Variants in COX7A2L observed in about 807,000 individuals in gnomAD.
COX7A2L encodes the protein cytochrome c oxidase subunit 7A2-like, mitochondrial.
In COX7A2L, 18 loss-of-function variants were observed where a neutral mutation model predicts 14.2. The ratio of observed to expected loss-of-function variants is 1.27; its 90% CI spans 0.88 to 1.88. The LOEUF is 1.88. COX7A2L is among the 40% of genes most tolerant of loss of function. COX7A2L has a pLI of 0.00. For missense variants in COX7A2L, 179 were observed against 138.8 expected (o/e 1.29, Z -1.46); for synonymous variants, 65 against 57.4 (o/e 1.13, Z -0.60).
chr2:42,346,898 T>G (rs1481676725), downstream of COX7A2L, among the ~76,000 whole-genome samples: 1 of 152,246 alleles, frequency 6.6e-6, no homozygotes, highest in Non-Finnish European at 1.5e-5. Context: ...TGCCCATTTA[T>G]CTCCAGAGTA....
intron 2 of COX7A2L, among the ~76,000 whole-genome samples, chr2:42,340,330 C>T (rs922691194): frequency 3.9e-5 from 6 of 152,176 alleles, no homozygotes; most frequent in Non-Finnish European, 5.9e-5. Flanking sequence ...CTCGTGCCCT[C>T]GGCTGTCACT....
chr2:42,354,417 A>C (rs1405334364), intron 1 of COX7A2L, among the ~76,000 whole-genome samples: 1 of 152,206 alleles, frequency 6.6e-6, no homozygotes, highest in Non-Finnish European at 1.5e-5. Flanking sequence ...TTTATGTTAA[A>C]TTCTAACTAA....
chr2:42,340,838 G>A (rs748573021), intron 2 of COX7A2L, among the ~76,000 whole-genome samples: 28 of 152,162 alleles, frequency 1.8e-4, no homozygotes, highest in Non-Finnish European at 3.5e-4. Flanking sequence ...GAGCAGTGTC[G>A]CCTTTCTCCA....
At chr2:42,352,546 A>C (rs1031044905) in intron 2 of COX7A2L, among the ~76,000 whole-genome samples, 2 of 152,184 alleles carry the variant, frequency 1.3e-5, no homozygotes, top group Non-Finnish European at 2.9e-5. Context: ...AAAAGAGATT[A>C]AACTGATCAA....
downstream of COX7A2L, among the ~76,000 whole-genome samples, chr2:42,344,543 G>A (rs1226763771): frequency 6.6e-6 from 1 of 152,306 alleles, no homozygotes; most frequent in South Asian, 2.1e-4. Context: ...AACAAAGTAT[G>A]AGAAAATCTG....
chr2:42,353,866 T>C (rs1298445462), intron 1 of COX7A2L, among the ~76,000 whole-genome samples: 1 of 152,114 alleles, frequency 6.6e-6, no homozygotes, highest in Non-Finnish European at 1.5e-5. Flanking sequence ...TCAGCATAAA[T>C]AAACACATAA....
chr2:42,358,428 C>A (rs1670901315), intron 1 of COX7A2L, among the ~76,000 whole-genome samples: 1 of 152,210 alleles, frequency 6.6e-6, no homozygotes, highest in Admixed American at 6.5e-5. Context: ...TTATTTAGTG[C>A]ATGGCAAATT....
rs758994060 is a variant in COX7A2L, at chr2:42,361,147, A to C, written c.15T>G (p.Phe5Leu). Residue 5 changes from phenylalanine to leucine, a missense_variant, in exon 1 of 3, where the codon TTT becomes TTG. Physicochemically the swap from Phe to Leu is conservative, Grantham distance 22. Coordinates refer to ENST00000234301, the MANE Select transcript of COX7A2L (RefSeq NM_004718.4). MYYK[F>L]SGFTQKLAGA... ...CTGCCAACTTCTGCGTGAAGCCACTAAACTTGTAGTACATGACGCCCAGAG... is the reference window on the plus strand; with the variant it reads ...CTGCCAACTTCTGCGTGAAGCCACTCAACTTGTAGTACATGACGCCCAGAG... 1.2e-6 allele frequency: 2 copies of C among 1,613,442 alleles called. No individual in the cohort carries two copies. The highest frequency in any genetic ancestry group is 2.7e-5 in the African/African-American group (2 of 74,886).
At chr2:42,355,714 G>GGTCTT (rs1670793325) in intron 1 of COX7A2L, among the ~76,000 whole-genome samples, 3 of 82,868 alleles carry the variant, frequency 3.6e-5, no homozygotes, top group Non-Finnish European at 7.4e-5. Context: ...AAAATCCTAC[G>GGTCTT]TTCTTTTTTT....
downstream of COX7A2L, among the ~76,000 whole-genome samples, chr2:42,348,142 A>T (rs1338577336): frequency 6.6e-6 from 1 of 152,218 alleles, no homozygotes; most frequent in African/African-American, 2.4e-5. Context: ...TCAAATCAGG[A>T]AATTCCATCA....
At chr2:42,354,328 A>C (rs1670748803) in intron 1 of COX7A2L, among the ~76,000 whole-genome samples, 1 of 152,220 alleles carries the variant, frequency 6.6e-6, no homozygotes, top group African/African-American at 2.4e-5. Context: ...ACCTACAGTG[A>C]CAAATATATA....
intron 2 of COX7A2L, among the ~76,000 whole-genome samples, chr2:42,341,659 T>C (rs1320646047): frequency 6.6e-6 from 1 of 152,208 alleles, no homozygotes; most frequent in Non-Finnish European, 1.5e-5. Context: ...CAAGAGTACT[T>C]AGTTCCAGAG....
chr2:42,342,266 A>G lies in COX7A2L; in HGVS notation c.193-8397T>C, dbSNP rs1040914096. On this transcript the variant is annotated intron_variant, in intron 2 of 2. Coordinates refer to the COX7A2L transcript ENST00000468711. This position sits in a 1 kb window ranked among gnomAD's most constrained non-coding sequence, Gnocchi z 4.9. ...TGGACCAGCAGAGCCTGCCTCTTCC[A>G]CCCTAGCCTAGCTGCCCTTCCCTGC... Among the ~76,000 whole-genome samples the G allele has an allele frequency of 3.3e-5, 5 of 151,924 alleles. No individual in the cohort carries two copies. The highest frequency in any genetic ancestry group is 2.6e-4 in the Admixed American group (4 of 15,260).
At chr2:42,336,250 G>A (rs1670269459) in intron 2 of COX7A2L, among the ~76,000 whole-genome samples, 1 of 152,140 alleles carries the variant, frequency 6.6e-6, no homozygotes, top group Non-Finnish European at 1.5e-5. Context: ...CCTTCTCCCT[G>A]TTAGCAATAT....
At chr2:42,359,757 T>C (rs1031985307) in intron 1 of COX7A2L, 2 of 151,802 alleles carry the variant, frequency 1.3e-5, no homozygotes, top group African/African-American at 4.8e-5. Flanking sequence ...AAAATCTAGC[T>C]GCTACCAAGC....
rs997631915 is a variant in COX7A2L, at chr2:42,349,836, T to C, written c.*1383A>G. ...CTGATTTATCATAATTCCCTAACAATCTTAAATGACTCAACAAAAAACAGA... is the reference window on the plus strand; with the variant it reads ...CTGATTTATCATAATTCCCTAACAACCTTAAATGACTCAACAAAAAACAGA... On this transcript the variant is annotated 3_prime_UTR_variant, in exon 3 of 3. Coordinates refer to ENST00000234301, the MANE Select transcript of COX7A2L (RefSeq NM_004718.4). 4 of 152,122 alleles carry C rather than the reference T, an allele frequency of 2.6e-5. No individual in the cohort carries two copies. Among genetic ancestry groups the C allele is most frequent in the African/African-American group, 9.7e-5 (4 of 41,408 alleles). 9.4% of individuals were successfully genotyped at this position (152,122 alleles called of 1,614,324 possible).
At chr2:42,356,770 C>T (rs1250043660) in intron 1 of COX7A2L, among the ~76,000 whole-genome samples, 1 of 152,008 alleles carries the variant, frequency 6.6e-6, no homozygotes, top group Non-Finnish European at 1.5e-5. Flanking sequence ...TACAAAATAT[C>T]AAAAAATTAG....
chr2:42,341,041 A>AG (rs1670395251), intron 2 of COX7A2L, among the ~76,000 whole-genome samples: 1 of 151,902 alleles, frequency 6.6e-6, no homozygotes, highest in Non-Finnish European at 1.5e-5. Context: ...ACGCTGGCTT[A>AG]GAGATTCTGT....
Position 42,353,820 on chromosome 2 carries a change from C to G in COX7A2L, c.73-477G>C, listed in dbSNP as rs781515587. 1.2e-4 allele frequency among the ~76,000 whole-genome samples: 19 copies of G among 152,182 alleles called. No individual in the cohort carries two copies. The Middle Eastern group carries it at 0.014, about 109-fold the overall frequency. ...ATACTTGCCTTCCAGGACCAGAAAA[C>G]AAAATCAAAACAAAAAACTTTTCGA... On this transcript the variant is annotated intron_variant, in intron 1 of 2. Transcript: ENST00000234301.
Sources: allele counts gnomAD v4.1 joint callset (sites outside exome capture counted in the v4.1 genomes callset), GRCh38; gene constraint gnomAD v4.1.1; non-coding constraint Gnocchi (gnomAD v3.1); transcripts MANE v1.5; gene names NCBI Gene and HGNC (gene_info 2026-07-23, HGNC 2026-07-21).